The following DOCK2 variants were observed in gnomAD, a reference collection of about 807,000 sequenced individuals.
DOCK2 encodes the protein dedicator of cytokinesis protein 2.
Under a neutral mutation model 248.9 loss-of-function variants are expected in DOCK2, and 87 were observed. The observed-to-expected ratio is 0.35, with a 90% CI of 0.29 to 0.42. The LOEUF is 0.42. Among genes scored for constraint, DOCK2 ranks in the 10% least tolerant of loss-of-function variants. The pLI is 1.00. For synonymous variants in DOCK2, 805 were observed against 821.6 expected (o/e 0.98, Z 0.35); for missense variants, 1,747 against 2,300.2 (o/e 0.76, Z 4.92).
At chr5:169,795,517 T>C (rs1050394233) in intron 25 of DOCK2, among the ~76,000 whole-genome samples, 2 of 152,030 alleles carry the variant, frequency 1.3e-5, no homozygotes, top group African/African-American at 4.8e-5. Context: ...GAAGAATGCG[T>C]TGGGGGAAAA....
intron 39 of DOCK2, among the ~76,000 whole-genome samples, chr5:170,046,696 G>T (rs1294715438): frequency 6.6e-6 from 1 of 152,056 alleles, no homozygotes; most frequent in Non-Finnish European, 1.5e-5. Context: ...TGCACCAAGA[G>T]ACACCTAATA....
chr5:169,965,314 C>G (rs910152471), intron 27 of DOCK2, among the ~76,000 whole-genome samples: 1 of 152,222 alleles, frequency 6.6e-6, no homozygotes, highest in Non-Finnish European at 1.5e-5. Flanking sequence ...TTCTAAGAAG[C>G]TCCCAGGTGA....
chr5:169,863,988 T>A (rs261029), intron 27 of DOCK2, among the ~76,000 whole-genome samples: 119,418 of 152,132 alleles, frequency 0.78, 47,520 homozygotes, highest in African/African-American at 0.89. Flanking sequence ...GGGAATCTGG[T>A]CTTAAAACTC....
chr5:170,038,126 T>C (rs1189519318), intron 36 of DOCK2, among the ~76,000 whole-genome samples: 1 of 152,234 alleles, frequency 6.6e-6, no homozygotes, highest in African/African-American at 2.4e-5. Flanking sequence ...TGCCTCACTT[T>C]TTCTGTAACC....
In DOCK2 at chr5:169,800,907, ATTTCTTTTTTCTT is replaced by A. The variant is rs1260255632; in HGVS notation, c.2555-2135_2555-2123del. On this transcript the variant is annotated intron_variant, in intron 25 of 51. Transcript: ENST00000520908. The stretch of plus-strand genomic sequence containing the variant: ...GAAAGCGGAGCCTGAGAGACTACAT[ATTTCTTTTTTCTT>A]TTTCTTTTTTCTTTTCTTTCTTTCT... Among the ~76,000 whole-genome samples the A allele has an allele frequency of 2.1e-3, 188 of 91,496 alleles. 1 individual carries two copies. The highest frequency in any genetic ancestry group is 8.5e-3 in the African/African-American group (176 of 20,686). 60.0% of individuals were successfully genotyped at this position (91,496 alleles called of 152,430 possible).
In DOCK2 at chr5:170,072,465, T is replaced by C. The variant is rs74801507; in HGVS notation, c.4728+3245T>C. On this transcript the variant is annotated intron_variant, in intron 46 of 51. Transcript: ENST00000520908. ...TGGACATTTGGATGTTTTCAGGTGT[T>C]GTATATTATGAGTAAAGTTGCTATG... Among the ~76,000 whole-genome samples, 1,057 of 152,356 alleles carry C rather than the reference T, an allele frequency of 6.9e-3. 9 individuals are homozygous for C. Among genetic ancestry groups the C allele is most frequent in the Middle Eastern group, 0.014 (4 of 294 alleles).
chr5:169,983,227 G>A, intron 28 of DOCK2, 61 bp downstream of exon 28: 1 of 1,554,936 alleles, frequency 6.4e-7, no homozygotes, highest in South Asian at 1.1e-5. Flanking sequence ...CATGGCTTCT[G>A]TCCCTGTCAG....
At chr5:169,844,986 C>T (rs1770216243) in intron 27 of DOCK2, among the ~76,000 whole-genome samples, 1 of 151,884 alleles carries the variant, frequency 6.6e-6, no homozygotes, top group Non-Finnish European at 1.5e-5. Context: ...CACAAAGACT[C>T]AGAAATGAGT....
At chr5:169,666,479 C>T (rs951393179) in intron 2 of DOCK2, among the ~76,000 whole-genome samples, 2 of 152,156 alleles carry the variant, frequency 1.3e-5, no homozygotes, top group African/African-American at 4.8e-5. Context: ...GGTTCTGGGA[C>T]ATGGTAAATG....
chr5:170,067,581 A>T lies in DOCK2; in HGVS notation c.4539A>T (p.Ile1513=). The change falls in exon 45 of 52, where the codon ATA becomes ATT. Residue 1513 remains isoleucine (I), a synonymous_variant. Coordinates refer to ENST00000520908, the MANE Select transcript of DOCK2 (RefSeq NM_004946.3). ...CCAATGAGAAGATCCTGATGATGAT[A>T]AACCAGTACCAGAGTGATGAGACCC... ...STANEKILMM[I]NQYQSDETLP... is the part of the protein sequence containing the mutation. 1.2e-6 allele frequency: 2 copies of T among 1,614,216 alleles called. No homozygotes were observed. The highest frequency in any genetic ancestry group is 1.7e-6 in the Non-Finnish European group (2 of 1,180,032).
chr5:169,772,260 A>G (rs1765128214), intron 25 of DOCK2, among the ~76,000 whole-genome samples: 1 of 152,228 alleles, frequency 6.6e-6, no homozygotes, highest in Non-Finnish European at 1.5e-5. Flanking sequence ...TGATGTTAGC[A>G]TCCTGGGAAT....
intron 12 of DOCK2, among the ~76,000 whole-genome samples, chr5:169,699,782 C>T (rs1760856093): frequency 2.0e-5 from 3 of 152,164 alleles, no homozygotes; most frequent in South Asian, 4.1e-4. Flanking sequence ...TCACTTTGGG[C>T]TTAGAGAAGT....
At chr5:169,937,506 A>G (rs1776045751) in intron 27 of DOCK2, among the ~76,000 whole-genome samples, 1 of 152,256 alleles carries the variant, frequency 6.6e-6, no homozygotes, top group Non-Finnish European at 1.5e-5. Context: ...AGTGTTCAAT[A>G]AAAGGCTAAT....
chr5:170,006,528 G>C (rs1755039104), intron 30 of DOCK2, among the ~76,000 whole-genome samples: 1 of 152,122 alleles, frequency 6.6e-6, no homozygotes, highest in South Asian at 2.1e-4. Flanking sequence ...GGTCAGGCTG[G>C]TCTCGAATGA....
At chr5:169,849,913 A>C (rs1770532373) in intron 27 of DOCK2, among the ~76,000 whole-genome samples, 1 of 152,262 alleles carries the variant, frequency 6.6e-6, no homozygotes. Context: ...CCTGCAGGAC[A>C]GTGTCAATGA....
intron 25 of DOCK2, among the ~76,000 whole-genome samples, chr5:169,795,316 G>A (rs1364804419): frequency 1.3e-5 from 2 of 152,086 alleles, no homozygotes; most frequent in Non-Finnish European, 2.9e-5. Context: ...TTTTAACCAG[G>A]TGCTGAGTTC....
At chr5:169,840,623 A>G in intron 26 of DOCK2, 134 bp from the exon 27 acceptor site, 1 of 688,032 alleles carries the variant, frequency 1.5e-6, no homozygotes, top group Admixed American at 2.1e-5. Flanking sequence ...GATGATGATG[A>G]TGGCAGTAGT....
chr5:169,663,079 C>G (rs931560121), intron 2 of DOCK2, among the ~76,000 whole-genome samples: 4 of 152,224 alleles, frequency 2.6e-5, no homozygotes, highest in African/African-American at 9.6e-5. Flanking sequence ...GGTAAATTCT[C>G]TCATTCTGAA....
chr5:169,768,296 C>G (rs1764904310), intron 25 of DOCK2, among the ~76,000 whole-genome samples: 2 of 152,250 alleles, frequency 1.3e-5, no homozygotes, highest in Admixed American at 1.3e-4. Context: ...TGAGCGCTGT[C>G]TCTACGGCTC....
Sources: allele counts gnomAD v4.1 joint callset (sites outside exome capture counted in the v4.1 genomes callset), GRCh38; gene constraint gnomAD v4.1.1; transcripts MANE v1.5; gene names NCBI Gene and HGNC (gene_info 2026-07-23, HGNC 2026-07-21).